The following CERT1 variants were observed in gnomAD, a reference collection of about 807,000 sequenced individuals.
The protein encoded by CERT1 is ceramide transfer protein.
A neutral mutation model predicts 87.9 loss-of-function variants in CERT1; 31 were observed. That is an observed-to-expected ratio of 0.35 (90% CI 0.27 to 0.48). The LOEUF is 0.48. Among genes scored for constraint, CERT1 ranks in the 20% least tolerant of loss-of-function variants. CERT1 has a pLI of 0.99. For missense variants in CERT1, 487 were observed against 758.0 expected (o/e 0.64, Z 4.20); for synonymous variants, 289 against 250.9 (o/e 1.15, Z -1.44).
intron 5 of CERT1, among the ~76,000 whole-genome samples, chr5:75,423,585 T>C (rs1225994207): frequency 6.6e-6 from 1 of 152,008 alleles, no homozygotes; most frequent in Non-Finnish European, 1.5e-5. Context: ...TACAAAAAAT[T>C]TAAAAATTAA....
rs528255124 is a variant in CERT1 at position 75,487,238 on chromosome 5, G to A, written c.231+18744C>T. On this transcript the variant is annotated intron_variant, in intron 2 of 16. Transcript: ENST00000643780. ...AAGAACATACATTGGGGAAAGGACA[G>A]TCGCTTCAATAAATAGTGCTAGGAA... Among the ~76,000 whole-genome samples the A allele has an allele frequency of 2.0e-5, 3 of 152,148 alleles. No individual in the cohort carries two copies. The East Asian group carries it at 5.8e-4, about 29-fold the overall frequency.
chr5:75,411,150 A>T (rs1449588281), intron 7 of CERT1, 47 bp from the exon 8 acceptor site: 1 of 1,081,282 alleles, frequency 9.2e-7, no homozygotes, highest in Non-Finnish European at 1.4e-6. Context: ...AGGCATTTTA[A>T]TTACAATGAA....
At position 75,381,091 on chromosome 5, in the gene CERT1, C is replaced by G; in HGVS notation, c.1728G>C (p.Lys576Asn). The change falls in exon 16 of 17, where the codon AAG becomes AAC. Residue 576 changes from lysine (K) to asparagine (N), a missense_variant. By Grantham distance (94) the Lys-to-Asn change is moderately conservative (BLOSUM62 0). Transcript: ENST00000643780. ...QEISRDNILC[K>N]ITYVANVNPG... ...ACATACCATTAGCTACATATGTAAT[C>G]TTGCATAGAATGTTGTCCCTGCTAA... 1 of 1,614,086 alleles carries G rather than the reference C, an allele frequency of 6.2e-7. No homozygotes were observed. The highest frequency in any genetic ancestry group is 8.5e-7 in the Non-Finnish European group (1 of 1,179,978).
chr5:75,418,370 TG>T (rs1171963784), intron 6 of CERT1, among the ~76,000 whole-genome samples: 2 of 152,160 alleles, frequency 1.3e-5, no homozygotes, highest in South Asian at 2.1e-4. Flanking sequence ...TAAGTGTTGG[TG>T]GGGATATGGA....
intron 3 of CERT1, among the ~76,000 whole-genome samples, chr5:75,432,535 T>C (rs1203028531): frequency 1.3e-5 from 2 of 152,366 alleles, no homozygotes; most frequent in East Asian, 3.9e-4. Flanking sequence ...GTTCATGTCC[T>C]TTGCCCATCG....
chr5:75,425,313 T>C (rs1352168311), intron 5 of CERT1, 48 bp downstream of exon 5: 2 of 1,563,298 alleles, frequency 1.3e-6, no homozygotes, highest in African/African-American at 1.4e-5. Flanking sequence ...AAGAGGCTTT[T>C]AATCCATTCA....
intron 2 of CERT1, among the ~76,000 whole-genome samples, chr5:75,494,001 A>T (rs1380884389): frequency 2.6e-5 from 4 of 151,814 alleles, no homozygotes; most frequent in Admixed American, 1.3e-4. Context: ...CTTTTTCATG[A>T]TTTCAAAAAC....
chr5:75,478,604 C>T (rs555131081), intron 2 of CERT1, among the ~76,000 whole-genome samples: 1 of 152,206 alleles, frequency 6.6e-6, no homozygotes, highest in South Asian at 2.1e-4. Context: ...TCTGCTTAGA[C>T]ACCATCCCTA....
At chr5:75,485,696 G>A (rs1255449193) in intron 2 of CERT1, among the ~76,000 whole-genome samples, 2 of 151,998 alleles carry the variant, frequency 1.3e-5, no homozygotes, top group African/African-American at 4.8e-5. Context: ...TGATACTGCA[G>A]AAATTCAAAA....
At position 75,433,364 on chromosome 5, in the gene CERT1, T is replaced by G. The variant is rs193196656; in HGVS notation, c.349-6886A>C. Among the ~76,000 whole-genome samples, 49 of 152,334 alleles carry G rather than the reference T, an allele frequency of 3.2e-4. No homozygotes were observed. In the East Asian group the frequency reaches 8.9e-3, roughly 28 times the overall value. On this transcript the variant is annotated intron_variant, in intron 3 of 16. Coordinates refer to ENST00000643780, the MANE Select transcript of CERT1 (RefSeq NM_001379029.1). ...CCATTTGTTTGTGTCATCTCCAATT[T>G]CCTTCAGCAGTGTTTTATAATTCTC...
chr5:75,419,642 C>G (rs1349900168), intron 5 of CERT1, among the ~76,000 whole-genome samples: 1 of 152,116 alleles, frequency 6.6e-6, no homozygotes, highest in East Asian at 1.9e-4. Context: ...CTCCCCTCAA[C>G]CCCTGAATAT....
chr5:75,511,272 AGT>A lies in CERT1; in HGVS notation c.-67_-66del. ...CTCAGCTGCGCCGGAGGAGGCGCCC[AGT>A]CCTCGGGGTGAAGGGTCGGGGGATG... On this transcript the variant is annotated 5_prime_UTR_variant, in exon 1 of 17. Transcript: ENST00000643780. The A allele has an allele frequency of 6.3e-7, 1 of 1,589,398 alleles. No homozygotes were observed. Among genetic ancestry groups the A allele is most frequent in the Non-Finnish European group, 8.6e-7 (1 of 1,167,910 alleles).
rs759469784 is a variant in CERT1, at chr5:75,511,296, G to A, written c.-89C>T. The A allele has an allele frequency of 1.2e-5, 19 of 1,563,492 alleles. No individual in the cohort carries two copies. The East Asian group carries it at 3.8e-4, about 31-fold the overall frequency. The stretch of plus-strand genomic sequence containing the variant: ...CAGTCCTCGGGGTGAAGGGTCGGGG[G>A]ATGGCGAAGCGAAGAGTGCCCGCTC... On this transcript the variant is annotated 5_prime_UTR_variant, in exon 1 of 17. Coordinates refer to ENST00000643780, the MANE Select transcript of CERT1 (RefSeq NM_001379029.1).
chr5:75,382,150 A>G (rs1319553298), intron 14 of CERT1, 73 bp from the exon 15 acceptor site: 11 of 1,406,318 alleles, frequency 7.8e-6, no homozygotes, highest in African/African-American at 2.9e-5. Context: ...ATGCCAATAA[A>G]TGTCTTAATT....
At chr5:75,462,023 T>A (rs1366323723) in intron 2 of CERT1, among the ~76,000 whole-genome samples, 1 of 152,220 alleles carries the variant, frequency 6.6e-6, no homozygotes, top group Admixed American at 6.5e-5. Context: ...CATTATACAG[T>A]AATTTAGTCC....
intron 2 of CERT1, among the ~76,000 whole-genome samples, chr5:75,498,126 T>C (rs1359773238): frequency 1.3e-5 from 2 of 152,156 alleles, no homozygotes; most frequent in Non-Finnish European, 2.9e-5. Context: ...CTATGGAACT[T>C]TGAACTTGAA....
chr5:75,464,144 T>C (rs142322658), intron 2 of CERT1, among the ~76,000 whole-genome samples: 106 of 152,126 alleles, frequency 7.0e-4, no homozygotes, highest in African/African-American at 2.5e-3. Flanking sequence ...TTGAGAAAAC[T>C]GAAAATTAAA....
intron 8 of CERT1, among the ~76,000 whole-genome samples, chr5:75,406,358 G>C (rs2112106901): frequency 6.6e-6 from 1 of 152,294 alleles, no homozygotes; most frequent in Non-Finnish European, 1.5e-5. Flanking sequence ...TTCCCTCCGG[G>C]AAGACATCTC....
At chr5:75,429,843 G>GAAA (rs112893256) in intron 3 of CERT1, among the ~76,000 whole-genome samples, 2 of 115,508 alleles carry the variant, frequency 1.7e-5, no homozygotes, top group African/African-American at 3.0e-5. Flanking sequence ...AAGAAAAAAT[G>GAAA]AAAAAAAAAA....
Sources: gnomAD v4.1 joint callset for allele counts (sites outside exome capture counted in the v4.1 genomes callset) on GRCh38, gnomAD v4.1.1 for gene constraint, MANE v1.5 for transcripts, NCBI Gene and HGNC (gene_info 2026-07-23, HGNC 2026-07-21) for gene names.